The following UBE2D2 variants were observed in gnomAD, a reference collection of about 807,000 sequenced individuals.
UBE2D2 encodes the protein ubiquitin-conjugating enzyme E2 D2.
UBE2D2 carries 2 observed loss-of-function variants against 24.2 expected under a neutral mutation model. That is an observed-to-expected ratio of 0.08 (90% CI 0.03 to 0.26). UBE2D2 has a LOEUF of 0.26. UBE2D2 is among the 10% of genes least tolerant of loss of function. The pLI is 1.00. For missense variants in UBE2D2, 44 were observed against 177.6 expected, an observed-to-expected ratio of 0.25 and a Z score of 4.28; for synonymous variants, 58 against 56.5, an observed-to-expected ratio of 1.03 and a Z score of -0.12.
rs1404489932 is a variant in UBE2D2, at chr5:139,561,504, C to CGGCGCTGATCCTGGGAGGAAGA, written c.-284_-263dup. 4.4e-5 allele frequency: 17 copies of CGGCGCTGATCCTGGGAGGAAGA among 390,042 alleles called. No individual in the cohort carries two copies. Among genetic ancestry groups the CGGCGCTGATCCTGGGAGGAAGA allele is most frequent in the South Asian group, 1.5e-4 (2 of 13,084 alleles). The allele number at this position is 390,042 out of a possible 1,614,324, so 24.2% of individuals were successfully genotyped here. A position where few individuals can be genotyped will look rare whatever the true frequency, so the allele number is the denominator to read the frequency against. On this transcript the variant is annotated 5_prime_UTR_variant, in exon 1 of 7. Coordinates refer to ENST00000398733, the MANE Select transcript of UBE2D2 (RefSeq NM_003339.3). Reference sequence around the variant, plus strand: ...GAGGGATCTGCGGCGGTTTAGGAGGCGGCGCTGATCCTGGGAGGAAGAGGC... The same window carrying CGGCGCTGATCCTGGGAGGAAGA: ...GAGGGATCTGCGGCGGTTTAGGAGGCGGCGCTGATCCTGGGAGGAAGAGGCGCTGATCCTGGGAGGAAGAGGC...
At chr5:139,610,643 T>C (rs1754298507) in intron 2 of UBE2D2, among the ~76,000 whole-genome samples, 1 of 149,652 alleles carries the variant, frequency 6.7e-6, no homozygotes, top group South Asian at 2.1e-4. Flanking sequence ...GAGGCTGAGG[T>C]GAGGGGATTG....
chr5:139,580,465 A>T (rs556945911), intron 1 of UBE2D2, among the ~76,000 whole-genome samples: 15 of 151,924 alleles, frequency 9.9e-5, no homozygotes, highest in East Asian at 1.9e-4. Context: ...GTTTCTACAA[A>T]TTTTTTTCTT....
intron 1 of UBE2D2, among the ~76,000 whole-genome samples, chr5:139,596,887 T>C (rs1271160926): frequency 6.6e-6 from 1 of 151,386 alleles, no homozygotes; most frequent in East Asian, 2.0e-4. Context: ...CTTCTAAAAA[T>C]ACAAAAAAAA....
chr5:139,535,290 CA>C (rs527336000), intron 1 of UBE2D2, among the ~76,000 whole-genome samples: 264 of 76,488 alleles, frequency 3.5e-3, no homozygotes, highest in East Asian at 6.7e-3. Context: ...ACTAAAAATA[CA>C]AAAAAAAAAA....
chr5:139,576,943 C>CT (rs11418234), intron 1 of UBE2D2, among the ~76,000 whole-genome samples: 29,607 of 91,512 alleles, frequency 0.32, 6,026 homozygotes, highest in African/African-American at 0.59. Context: ...TGGATCTGGC[C>CT]TTTTTTTTTT....
Position 139,561,720 on chromosome 5 carries a change from T to TC in UBE2D2, c.-69dup. On this transcript the variant is annotated 5_prime_UTR_variant, in exon 1 of 7. Coordinates refer to ENST00000398733, the MANE Select transcript of UBE2D2 (RefSeq NM_003339.3). The stretch of plus-strand genomic sequence containing the variant: ...CGAGATCGCCGAGGCGGCCTCAGGC[T>TC]CCCTAGCCCCTTCCCCGTCCCTTCC... 8.0e-7 allele frequency: 1 copy of TC among 1,243,232 alleles called. No individual in the cohort carries two copies. Among genetic ancestry groups the TC allele is most frequent in the Admixed American group, 3.5e-5 (1 of 28,972 alleles). The allele number at this position is 1,243,232 out of a possible 1,614,324, so 77.0% of individuals were successfully genotyped here.
intron 2 of UBE2D2, among the ~76,000 whole-genome samples, chr5:139,607,420 G>T (rs1458088663): frequency 6.6e-6 from 1 of 152,054 alleles, no homozygotes; most frequent in Non-Finnish European, 1.5e-5. Flanking sequence ...ATTTGTCTTG[G>T]TTGCTGCATT....
rs115866809 is a variant in UBE2D2, at chr5:139,608,107, A to C, written c.89-6479A>C. On this transcript the variant is annotated intron_variant, in intron 2 of 6. Transcript: ENST00000398733. ...ATGAAAGATTGCAATATTAGTTGAA[A>C]ATATTTATTTTTTTCCCCATCTTCT... 1.3e-3 allele frequency among the ~76,000 whole-genome samples: 199 copies of C among 152,224 alleles called. 1 individual carries two copies. Among genetic ancestry groups the C allele is most frequent in the African/African-American group, 4.2e-3 (174 of 41,548 alleles).
chr5:139,582,310 C>T (rs568059690), intron 1 of UBE2D2, among the ~76,000 whole-genome samples: 13 of 150,408 alleles, frequency 8.6e-5, no homozygotes, highest in Admixed American at 2.0e-4. Context: ...TTGCCCAGGC[C>T]GGAGTGCAGT....
upstream of UBE2D2, among the ~76,000 whole-genome samples, chr5:139,560,672 T>C (rs1367622521): frequency 6.6e-6 from 1 of 152,202 alleles, no homozygotes; most frequent in East Asian, 1.9e-4. Context: ...TGATTTTTTT[T>C]CTGACGCAGC....
At chr5:139,529,688 T>C (rs1443570129) in intron 1 of UBE2D2, among the ~76,000 whole-genome samples, 2 of 152,142 alleles carry the variant, frequency 1.3e-5, no homozygotes, top group Non-Finnish European at 2.9e-5. Flanking sequence ...GGCTGGATCT[T>C]AGTGTAAGCA....
chr5:139,586,190 ATT>A (rs200665210), intron 1 of UBE2D2, among the ~76,000 whole-genome samples: 12 of 144,730 alleles, frequency 8.3e-5, no homozygotes, highest in Non-Finnish European at 1.1e-4. Flanking sequence ...CTAGCTTAGA[ATT>A]TTTTTTTTTT....
intron 1 of UBE2D2, among the ~76,000 whole-genome samples, chr5:139,572,557 G>A (rs990630674): frequency 1.3e-5 from 2 of 151,782 alleles, no homozygotes; most frequent in Non-Finnish European, 2.9e-5. Context: ...GATCATGCCA[G>A]TGCACTCCAG....
At chr5:139,559,895 C>A (rs1753036948), upstream of UBE2D2, among the ~76,000 whole-genome samples, 1 of 152,270 alleles carries the variant, frequency 6.6e-6, no homozygotes, top group South Asian at 2.1e-4. Flanking sequence ...GTATCTCACA[C>A]CAGTCATGGT....
At chr5:139,560,858 C>A (rs759809064), upstream of UBE2D2, among the ~76,000 whole-genome samples, 7 of 152,122 alleles carry the variant, frequency 4.6e-5, no homozygotes, top group Non-Finnish European at 8.8e-5. Flanking sequence ...GAGACATCTC[C>A]CTCGTGGCAG....
At chr5:139,532,188 T>TTG (rs372413498) in intron 1 of UBE2D2, among the ~76,000 whole-genome samples, 6,389 of 150,020 alleles carry the variant, frequency 0.043, 158 homozygotes, top group South Asian at 0.098. Context: ...TTTTTTTTTT[T>TTG]GGGGGGGACA....
intron 6 of UBE2D2, among the ~76,000 whole-genome samples, chr5:139,625,646 C>T (rs1754610330): frequency 6.6e-6 from 1 of 151,678 alleles, no homozygotes; most frequent in South Asian, 2.1e-4. Context: ...TGCTCCGTTG[C>T]CCAGGTGGAA....
intron 1 of UBE2D2, 58 bp downstream of exon 1, chr5:139,561,873 T>C: frequency 1.4e-6 from 2 of 1,428,678 alleles, no homozygotes; most frequent in Non-Finnish European, 1.8e-6. Flanking sequence ...CGGCCTGCAC[T>C]TCCCGCCGTA....
At chr5:139,549,890 G>T (rs559122204) in intron 1 of UBE2D2, among the ~76,000 whole-genome samples, 2 of 152,240 alleles carry the variant, frequency 1.3e-5, no homozygotes, top group Non-Finnish European at 2.9e-5. Context: ...CTAGCTCAGG[G>T]TTCATGGATG....
Sources: gnomAD v4.1 joint callset for allele counts (sites outside exome capture counted in the v4.1 genomes callset) on GRCh38, gnomAD v4.1.1 for gene constraint, MANE v1.5 for transcripts, NCBI Gene and HGNC (gene_info 2026-07-23, HGNC 2026-07-21) for gene names.